The following PCDHA5 variants were observed in gnomAD, a reference collection of about 807,000 sequenced individuals.
The protein encoded by PCDHA5 is protocadherin alpha-5.
PCDHA5 carries 43 observed loss-of-function variants against 61.6 expected under a neutral mutation model. The observed-to-expected ratio is 0.70, with a 90% CI of 0.55 to 0.90. PCDHA5 has a LOEUF of 0.90. Ranked by LOEUF, PCDHA5 falls within the 40% of genes least tolerant of loss-of-function variation. PCDHA5 has a pLI of 0.00. For missense variants in PCDHA5, 1,298 were observed against 1,222.7 expected, an observed-to-expected ratio of 1.06 and a Z score of -0.92; for synonymous variants, 627 against 543.9, an observed-to-expected ratio of 1.15 and a Z score of -2.13.
intron 1 of PCDHA5, chr5:140,843,096 C>A (rs2150352451): frequency 1.9e-6 from 3 of 1,595,484 alleles, no homozygotes; most frequent in Non-Finnish European, 2.6e-6. Context: ...CACGTGGTAG[C>A]GAAGGTGCGC....
intron 1 of PCDHA5, chr5:140,828,452 G>T (rs782092268): frequency 6.2e-7 from 1 of 1,614,284 alleles, no homozygotes; most frequent in Middle Eastern, 1.6e-4. Context: ...CCATGTGGAC[G>T]TGGAGGTGAG....
chr5:140,823,316 G>A lies in PCDHA5; in HGVS notation c.1541G>A (p.Gly514Asp). The A allele has an allele frequency of 1.2e-6, 2 of 1,612,306 alleles. No individual in the cohort carries two copies. The highest frequency in any genetic ancestry group is 1.1e-5 in the South Asian group (1 of 91,014). The change falls in exon 1 of 4, where the codon GGC becomes GAC. Residue 514 changes from glycine (G) to aspartate (D), a missense_variant. Coordinates refer to ENST00000529859, the MANE Select transcript of PCDHA5 (RefSeq NM_018908.3). Reference protein sequence around the residue: ...SSYVSVHAESGKVYALQPLDH... With the variant: ...SSYVSVHAESDKVYALQPLDH... ...TACGTTTCGGTGCACGCGGAGAGCG[G>A]CAAGGTGTACGCGCTGCAGCCGCTG...
intron 1 of PCDHA5, among the ~76,000 whole-genome samples, chr5:140,908,700 G>A (rs1357815625): frequency 6.6e-6 from 1 of 152,184 alleles, no homozygotes; most frequent in Non-Finnish European, 1.5e-5. Flanking sequence ...GACACCTCAA[G>A]CACCATTGGA....
intron 1 of PCDHA5, among the ~76,000 whole-genome samples, chr5:140,897,805 A>G (rs1216400632): frequency 6.6e-6 from 1 of 152,172 alleles, no homozygotes; most frequent in Non-Finnish European, 1.5e-5. Context: ...AGTCCCACCA[A>G]CAGTGTAAAA....
At chr5:140,841,418 T>C in intron 1 of PCDHA5, 9 of 1,613,046 alleles carry the variant, frequency 5.6e-6, no homozygotes, top group Non-Finnish European at 7.6e-6. Context: ...CCAGCTCCAC[T>C]ACTCCGTCCC....
chr5:140,859,830 T>C (rs1388131535), intron 1 of PCDHA5: 1 of 152,212 alleles, frequency 6.6e-6, no homozygotes, highest in Non-Finnish European at 1.5e-5. Flanking sequence ...AGAAGTGTAT[T>C]TGTTATTTTA....
intron 1 of PCDHA5, chr5:140,928,747 C>G (rs781895762): frequency 6.2e-7 from 1 of 1,614,132 alleles, no homozygotes; most frequent in Non-Finnish European, 8.5e-7. Context: ...AGGTGAGCTC[C>G]GTACTGCTCG....
Position 140,854,738 on chromosome 5 carries a change from G to A in PCDHA5, c.2352+30611G>A, listed in dbSNP as rs894422305. The A allele has an allele frequency of 8.7e-5, 13 of 149,392 alleles. 1 individual carries two copies. The East Asian group carries it at 2.5e-3, about 29-fold the overall frequency. 9.3% of individuals were successfully genotyped at this position (149,392 alleles called of 1,614,324 possible). On this transcript the variant is annotated intron_variant, in intron 1 of 3. Coordinates refer to ENST00000529859, the MANE Select transcript of PCDHA5 (RefSeq NM_018908.3). ...CAGAAAACTCAAGTTTTTTTCAGCA[G>A]CACAGATATATTACATTTTCATTCC...
intron 1 of PCDHA5, chr5:140,856,936 A>C: frequency 6.3e-7 from 1 of 1,594,202 alleles, no homozygotes. Flanking sequence ...GGATAAACGA[A>C]AGGACGGGAG....
At chr5:140,837,724 T>G (rs1466080737) in intron 1 of PCDHA5, among the ~76,000 whole-genome samples, 2 of 151,672 alleles carry the variant, frequency 1.3e-5, no homozygotes, top group African/African-American at 2.4e-5. Flanking sequence ...CCCAGGCTGC[T>G]GAAATGCAGT....
At chr5:140,854,384 C>T (rs1268523616) in intron 1 of PCDHA5, 1 of 155,336 alleles carries the variant, frequency 6.4e-6, no homozygotes, top group Non-Finnish European at 1.4e-5. Flanking sequence ...TAACTCATTA[C>T]ATTTTAATTC....
chr5:140,935,044 G>C (rs1246943645), intron 1 of PCDHA5, among the ~76,000 whole-genome samples: 1 of 151,942 alleles, frequency 6.6e-6, no homozygotes, highest in African/African-American at 2.4e-5. Context: ...CTTGATTTCT[G>C]GTATTACAAG....
intron 1 of PCDHA5, among the ~76,000 whole-genome samples, chr5:140,946,591 A>C (rs972556402): frequency 5.0e-5 from 6 of 119,488 alleles, no homozygotes; most frequent in African/African-American, 2.1e-4. Context: ...ATAGTGGATG[A>C]ATAGATAAAG....
At position 140,857,387 on chromosome 5, in the gene PCDHA5, G is replaced by C. The variant is rs369919324; in HGVS notation, c.2352+33260G>C. 21 of 1,598,586 alleles carry C rather than the reference G, an allele frequency of 1.3e-5. 1 individual carries two copies. The Admixed American group carries it at 3.5e-4, about 27-fold the overall frequency. On this transcript the variant is annotated intron_variant, in intron 1 of 3. Coordinates refer to ENST00000529859, the MANE Select transcript of PCDHA5 (RefSeq NM_018908.3). The stretch of plus-strand genomic sequence containing the variant: ...CAGCGTGTCTGTGGAGGTGGCCGAC[G>C]TGAACGACAACGCGCCTGCGTTCGC...
At chr5:140,826,422 G>A (rs1768938309) in intron 1 of PCDHA5, among the ~76,000 whole-genome samples, 1 of 152,144 alleles carries the variant, frequency 6.6e-6, no homozygotes, top group Non-Finnish European at 1.5e-5. Flanking sequence ...TTTTAAGATA[G>A]AATTTCACAT....
intron 1 of PCDHA5, among the ~76,000 whole-genome samples, chr5:140,892,799 G>A (rs1222453314): frequency 6.6e-6 from 1 of 152,108 alleles, no homozygotes; most frequent in African/African-American, 2.4e-5. Flanking sequence ...AGAAATTATA[G>A]TTAACCATAT....
chr5:140,834,648 C>T (rs1554134397), intron 1 of PCDHA5: 3 of 1,614,200 alleles, frequency 1.9e-6, no homozygotes, highest in Admixed American at 1.7e-5. Flanking sequence ...TGTGAATTCT[C>T]GGATCGACCG....
In PCDHA5 at chr5:140,967,952, C is replaced by T. The variant is rs562783714; in HGVS notation, c.2353-10997C>T. ...CAGTGTCAATGACCAAGACTCAGGC[C>T]CCAACCGGAAAGTGAGCCTGGGTCT... is the stretch of plus-strand genomic sequence containing the variant. On this transcript the variant is annotated intron_variant, in intron 1 of 3. Coordinates refer to ENST00000529859, the MANE Select transcript of PCDHA5 (RefSeq NM_018908.3). The T allele has an allele frequency of 3.1e-6, 5 of 1,614,176 alleles. No individual in the cohort carries two copies. In the African/African-American group the frequency reaches 6.7e-5, roughly 22 times the overall value.
At chr5:140,996,173 A>G (rs2097715399) in intron 3 of PCDHA5, among the ~76,000 whole-genome samples, 1 of 152,236 alleles carries the variant, frequency 6.6e-6, no homozygotes, top group Non-Finnish European at 1.5e-5. Flanking sequence ...ATGTGCTGAC[A>G]GCACCTCCAT....
Sources: allele counts gnomAD v4.1 joint callset (sites outside exome capture counted in the v4.1 genomes callset), GRCh38; gene constraint gnomAD v4.1.1; transcripts MANE v1.5; gene names NCBI Gene and HGNC (gene_info 2026-07-23, HGNC 2026-07-21).